Variants in MXI1 observed in about 807,000 individuals in gnomAD.
The protein encoded by MXI1 is MAX interactor 1, dimerization protein.
In MXI1, 18 loss-of-function variants were observed where a neutral mutation model predicts 36.9. The ratio of observed to expected loss-of-function variants is 0.49; its 90% CI spans 0.34 to 0.72. MXI1 has a LOEUF of 0.72. Among genes scored for constraint, MXI1 ranks in the 30% least tolerant of loss-of-function variants. The pLI is 0.01. For synonymous variants in MXI1, 160 were observed against 146.7 expected (o/e 1.09, Z -0.65); for missense variants, 304 against 379.1 (o/e 0.80, Z 1.64).
intron 1 of MXI1, chr10:110,226,264 T>G: frequency 6.7e-7 from 1 of 1,498,306 alleles, no homozygotes; most frequent in Non-Finnish European, 8.9e-7. Context: ...CTGCCGAGTT[T>G]TTGGAGCGCC....
At chr10:110,240,172 A>G (rs925394582) in intron 2 of MXI1, among the ~76,000 whole-genome samples, 4 of 152,040 alleles carry the variant, frequency 2.6e-5, no homozygotes, top group African/African-American at 9.7e-5. Flanking sequence ...CCATTCTACT[A>G]TTGATGAATG....
chr10:110,216,413 G>A (rs1337546393), intron 1 of MXI1, among the ~76,000 whole-genome samples: 2 of 152,072 alleles, frequency 1.3e-5, no homozygotes, highest in South Asian at 4.1e-4. Flanking sequence ...TAGAGTCCTT[G>A]CCCTCATGGA....
At chr10:110,247,969 G>A (rs1303542795) in intron 3 of MXI1, among the ~76,000 whole-genome samples, 5 of 152,164 alleles carry the variant, frequency 3.3e-5, no homozygotes, top group African/African-American at 4.8e-5. Flanking sequence ...TGATAGACTG[G>A]ATTAAGAAAA....
At chr10:110,216,665 G>GTTTTTTTTTTGTT (rs1854645560) in intron 1 of MXI1, among the ~76,000 whole-genome samples, 1 of 79,058 alleles carries the variant, frequency 1.3e-5, no homozygotes, top group African/African-American at 8.0e-5. Context: ...TGTGTTTAAT[G>GTTTTTTTTTTGTT]TTTTTTTTTT....
At chr10:110,256,623 A>C (rs1856306848) in intron 3 of MXI1, among the ~76,000 whole-genome samples, 1 of 151,352 alleles carries the variant, frequency 6.6e-6, no homozygotes, top group African/African-American at 2.4e-5. Context: ...AAAAAAAAAA[A>C]AAAAAAGAAA....
intron 2 of MXI1, among the ~76,000 whole-genome samples, chr10:110,229,399 T>C (rs1855179078): frequency 6.6e-6 from 1 of 152,180 alleles, no homozygotes; most frequent in Non-Finnish European, 1.5e-5. Flanking sequence ...GTTAGTCATT[T>C]GGGACAGCAG....
chr10:110,214,480 A>G (rs1209598104), intron 1 of MXI1, among the ~76,000 whole-genome samples: 2 of 151,772 alleles, frequency 1.3e-5, no homozygotes, highest in South Asian at 2.1e-4. Flanking sequence ...GGCTGTTGCT[A>G]TGGTACTGGG....
At position 110,208,737 on chromosome 10, in the gene MXI1, G is replaced by GCCCCCCCCC. The variant is rs1267505658; in HGVS notation, c.274+657_274+658insCCCCCCCCC. 2.8e-5 allele frequency: 3 copies of GCCCCCCCCC among 105,788 alleles called. 1 individual carries two copies. Among genetic ancestry groups the GCCCCCCCCC allele is most frequent in the African/African-American group, 1.8e-4 (3 of 16,934 alleles). 6.6% of individuals were successfully genotyped at this position (105,788 alleles called of 1,614,324 possible). A position where few individuals can be genotyped will look rare whatever the true frequency, so the allele number is the denominator to read the frequency against. ...ACGTCCGTTGCCGTGGGGTGCCACC[G>GCCCCCCCCC]CCGCCCCCCCCCCCCCAAAGAAGGA... On this transcript the variant is annotated intron_variant, in intron 1 of 5. Transcript: ENST00000332674.
chr10:110,218,193 G>A (rs112914316), intron 1 of MXI1, among the ~76,000 whole-genome samples: 7,839 of 152,248 alleles, frequency 0.051, 317 homozygotes, highest in Middle Eastern at 0.15. Flanking sequence ...GCTCACGTCT[G>A]TAATCCCAGC....
At chr10:110,237,830 C>A (rs911848811) in intron 2 of MXI1, among the ~76,000 whole-genome samples, 1 of 152,174 alleles carries the variant, frequency 6.6e-6, no homozygotes, top group African/African-American at 2.4e-5. Flanking sequence ...GAGTAGAGTG[C>A]AGTGGTGAGA....
intron 1 of MXI1, chr10:110,226,349 C>A: frequency 2.9e-6 from 4 of 1,359,216 alleles, no homozygotes; most frequent in Non-Finnish European, 3.8e-6. Flanking sequence ...GCGGTGCGGC[C>A]GGTAAGGGAG....
intron 1 of MXI1, among the ~76,000 whole-genome samples, chr10:110,217,521 C>T (rs897683199): frequency 1.3e-5 from 2 of 152,160 alleles, no homozygotes; most frequent in Admixed American, 6.5e-5. Flanking sequence ...TGTTATCTTC[C>T]TCTTACCTCC....
At chr10:110,250,829 CAAA>C (rs113320766) in intron 3 of MXI1, among the ~76,000 whole-genome samples, 31 of 101,690 alleles carry the variant, frequency 3.0e-4, no homozygotes, top group South Asian at 9.0e-4. Context: ...AAGACTTTGT[CAAA>C]AAAAAAAAAA....
In MXI1 at chr10:110,216,665, G is replaced by GTTTTTTTTTTTTTTT. The variant is rs10656872; in HGVS notation, c.274+8589_274+8603dup. 2.2e-4 allele frequency among the ~76,000 whole-genome samples: 17 copies of GTTTTTTTTTTTTTTT among 79,056 alleles called. 1 individual carries two copies. The highest frequency in any genetic ancestry group is 7.1e-4 in the African/African-American group (9 of 12,588). 51.9% of individuals were successfully genotyped at this position (79,056 alleles called of 152,430 possible). On this transcript the variant is annotated intron_variant, in intron 1 of 5. Transcript: ENST00000332674. Reference sequence around the variant, plus strand: ...CCTGTCTCCCCTATCTGTGTTTAATGTTTTTTTTTTTTTTTTTTTTGGAGA... The same window carrying GTTTTTTTTTTTTTTT: ...CCTGTCTCCCCTATCTGTGTTTAATGTTTTTTTTTTTTTTTTTTTTTTTTTTTTTTTTTTTGGAGA...
At chr10:110,257,914 G>C (rs1856375544) in intron 3 of MXI1, 1 of 187,110 alleles carries the variant, frequency 5.3e-6, no homozygotes, top group Non-Finnish European at 1.1e-5. Flanking sequence ...TAAGGGGGGA[G>C]GTATAGGTTT....
In MXI1 at chr10:110,264,009, A is replaced by G. The variant is rs186009154; in HGVS notation, c.438-15171A>G. On this transcript the variant is annotated intron_variant, in intron 3 of 5. Coordinates refer to ENST00000332674, the MANE Select transcript of MXI1 (RefSeq NM_130439.3). ...TAAATTTCCATACATGCTGCTAGCT[A>G]CAGAGATTGTTATTGAAGTGGCCAA... 2.0e-5 allele frequency among the ~76,000 whole-genome samples: 3 copies of G among 152,316 alleles called. No homozygotes were observed. In the East Asian group the frequency reaches 5.8e-4, roughly 29 times the overall value.
chr10:110,207,759 G>A lies in MXI1; in HGVS notation c.-50G>A. 2.7e-6 allele frequency: 3 copies of A among 1,115,480 alleles called. No individual in the cohort carries two copies. Among genetic ancestry groups the A allele is most frequent in the South Asian group, 6.8e-5 (2 of 29,318 alleles). The allele number at this position is 1,115,480 out of a possible 1,614,324, so 69.1% of individuals were successfully genotyped here. On this transcript the variant is annotated 5_prime_UTR_variant, in exon 1 of 6. Transcript: ENST00000332674. ...CTCCCTGGGGGCCCGGAGCTCGGCC[G>A]GGCCGCGCAGCCCCGTTAGAGGACG...
Position 110,280,679 on chromosome 10 carries a change from CA to C in MXI1, c.724+608del, listed in dbSNP as rs754769947. On this transcript the variant is annotated intron_variant, in intron 5 of 5. Transcript: ENST00000332674. ...TGGGCAACAGAGTGAGGTTCCGTCT[CA>C]AAAAAAAAAAAAAGAAAAGAAATGA... is the stretch of plus-strand genomic sequence containing the variant. Among the ~76,000 whole-genome samples, 284 of 117,648 alleles carry C rather than the reference CA, an allele frequency of 2.4e-3. 1 individual carries two copies. Among genetic ancestry groups the C allele is most frequent in the Non-Finnish European group, 2.9e-3 (164 of 56,300 alleles). 77.2% of individuals were successfully genotyped at this position (117,648 alleles called of 152,430 possible). A position where few individuals can be genotyped will look rare whatever the true frequency, so the allele number is the denominator to read the frequency against.
intron 3 of MXI1, among the ~76,000 whole-genome samples, chr10:110,268,972 C>A (rs1300440749): frequency 5.3e-5 from 8 of 152,190 alleles, no homozygotes; most frequent in African/African-American, 1.7e-4. Context: ...CACATACACA[C>A]TGGCCAACAA....
Sources: allele counts gnomAD v4.1 joint callset (sites outside exome capture counted in the v4.1 genomes callset), GRCh38; gene constraint gnomAD v4.1.1; transcripts MANE v1.5; gene names NCBI Gene and HGNC (gene_info 2026-07-23, HGNC 2026-07-21).